The following MALRD1 variants were observed in gnomAD, a reference collection of about 807,000 sequenced individuals.
MALRD1 encodes MAM and LDL-receptor class A domain-containing protein 1.
In MALRD1, 247 loss-of-function variants were observed where a neutral mutation model predicts 242.1. That is an observed-to-expected ratio of 1.02 (90% CI 0.92 to 1.13). The LOEUF is 1.13. MALRD1 is among the 50% of genes most tolerant of loss of function. The pLI is 0.00. For synonymous variants in MALRD1, 995 were observed against 866.6 expected (o/e 1.15, Z -2.60); for missense variants, 2,989 against 2,533.1 (o/e 1.18, Z -3.86).
chr10:19,151,811 T>C (rs1833956112), intron 11 of MALRD1, among the ~76,000 whole-genome samples: 1 of 152,176 alleles, frequency 6.6e-6, no homozygotes, highest in African/African-American at 2.4e-5. Flanking sequence ...GTCTATAAGG[T>C]AAATTGATTT....
At chr10:19,213,439 G>A (rs1418864567) in intron 18 of MALRD1, among the ~76,000 whole-genome samples, 3 of 152,096 alleles carry the variant, frequency 2.0e-5, no homozygotes, top group Admixed American at 6.6e-5. Context: ...TCACCATATT[G>A]GTCAGGCTGG....
At chr10:19,541,154 G>T (rs1807953734) in intron 32 of MALRD1, among the ~76,000 whole-genome samples, 2 of 152,126 alleles carry the variant, frequency 1.3e-5, no homozygotes, top group African/African-American at 4.8e-5. Flanking sequence ...CATTTTCAAA[G>T]TATATTTTAA....
chr10:19,313,323 G>C (rs1842510154), intron 21 of MALRD1, among the ~76,000 whole-genome samples: 2 of 150,860 alleles, frequency 1.3e-5, no homozygotes, highest in South Asian at 4.2e-4. Context: ...AATGAATATT[G>C]AAAATATTAA....
At chr10:19,094,520 C>A (rs964953232) in intron 4 of MALRD1, among the ~76,000 whole-genome samples, 30 of 150,834 alleles carry the variant, frequency 2.0e-4, no homozygotes, top group Non-Finnish European at 3.1e-4. Context: ...GAACCCGGTA[C>A]CTCAGATGGA....
At chr10:19,561,831 T>A (rs762814300) in intron 32 of MALRD1, among the ~76,000 whole-genome samples, 23 of 152,256 alleles carry the variant, frequency 1.5e-4, no homozygotes, top group Middle Eastern at 3.4e-3. Context: ...ATATTTTCCC[T>A]CCTATACTTT....
intron 5 of MALRD1, among the ~76,000 whole-genome samples, chr10:19,113,078 AT>A (rs112900717): frequency 0.029 from 4,430 of 151,430 alleles, 232 homozygotes; most frequent in African/African-American, 0.1. Context: ...TCCAGCCCAC[AT>A]TTTTTTTCCC....
rs1029274886 is a variant in MALRD1, at chr10:19,640,108, A to G, written c.6137+24185A>G. 3.3e-5 allele frequency among the ~76,000 whole-genome samples: 5 copies of G among 151,964 alleles called. 1 individual carries two copies. Among genetic ancestry groups the G allele is most frequent in the Admixed American group, 3.3e-4 (5 of 15,250 alleles). On this transcript the variant is annotated intron_variant, in intron 36 of 39. Transcript: ENST00000454679. ...CTTTTTTAATTTTATTTTTTTCTTGAGAAAGAGTTTCGCTCTTGTCACCCA... is the reference window on the plus strand; with the variant it reads ...CTTTTTTAATTTTATTTTTTTCTTGGGAAAGAGTTTCGCTCTTGTCACCCA...
At chr10:19,696,897 C>G (rs1165628757) in intron 38 of MALRD1, among the ~76,000 whole-genome samples, 1 of 152,014 alleles carries the variant, frequency 6.6e-6, no homozygotes, top group Non-Finnish European at 1.5e-5. Context: ...ACCTGGGTGA[C>G]AAAGTGAGAC....
chr10:19,591,784 C>A (rs546743773), intron 33 of MALRD1, among the ~76,000 whole-genome samples: 1 of 152,196 alleles, frequency 6.6e-6, no homozygotes, highest in African/African-American at 2.4e-5. Context: ...AGGCATGAGC[C>A]GCTATGCCCA....
At chr10:19,449,797 C>T (rs1835219732) in intron 28 of MALRD1, among the ~76,000 whole-genome samples, 1 of 152,030 alleles carries the variant, frequency 6.6e-6, no homozygotes, top group South Asian at 2.1e-4. Context: ...CAGGAGTTTG[C>T]CTGTATAGCA....
chr10:19,222,774 A>G (rs1358675565), intron 18 of MALRD1, among the ~76,000 whole-genome samples: 1 of 152,168 alleles, frequency 6.6e-6, no homozygotes, highest in East Asian at 1.9e-4. Context: ...AAGTACCATA[A>G]CATATTGAAC....
intron 26 of MALRD1, among the ~76,000 whole-genome samples, chr10:19,383,612 T>G (rs1845930647): frequency 1.3e-5 from 2 of 152,130 alleles, no homozygotes. Flanking sequence ...CTTATATGGT[T>G]CATGCTGCTT....
rs1311073147 is a variant in MALRD1, at chr10:19,054,511, CT to C, written c.199+5375del. On this transcript the variant is annotated intron_variant, in intron 1 of 39. Transcript: ENST00000454679. ...GTTGTGCAATAGATCTCAGAATTTA[CT>C]CTGCTTATCTATCCGAAACTTTGTG... 2.0e-5 allele frequency among the ~76,000 whole-genome samples: 3 copies of C among 152,250 alleles called. No individual in the cohort carries two copies. The East Asian group carries it at 5.8e-4, about 29-fold the overall frequency.
chr10:19,316,494 C>T (rs1304493178), intron 21 of MALRD1, among the ~76,000 whole-genome samples: 2 of 151,814 alleles, frequency 1.3e-5, no homozygotes, highest in African/African-American at 2.4e-5. Context: ...CATTAATTTA[C>T]ATTCTAAAAT....
chr10:19,687,934 TTATGTTA>T (rs1842650208), intron 36 of MALRD1, among the ~76,000 whole-genome samples: 2 of 143,648 alleles, frequency 1.4e-5, no homozygotes, highest in Non-Finnish European at 3.2e-5. Context: ...TTATGTTATG[TTATGTTA>T]TGTTATGTTA....
intron 31 of MALRD1, among the ~76,000 whole-genome samples, chr10:19,513,239 G>C (rs1833481211): frequency 6.6e-6 from 1 of 152,132 alleles, no homozygotes; most frequent in South Asian, 2.1e-4. Flanking sequence ...GTCCACATGA[G>C]AACTCATTGT....
chr10:19,726,735 C>G (rs1835044364), intron 38 of MALRD1, among the ~76,000 whole-genome samples: 4 of 152,136 alleles, frequency 2.6e-5, no homozygotes, highest in South Asian at 4.1e-4. Context: ...CAAAATGTGA[C>G]ATATACATGC....
At chr10:19,607,659 A>G in intron 34 of MALRD1, 118 bp from the exon 35 acceptor site, 1 of 1,283,036 alleles carries the variant, frequency 7.8e-7, no homozygotes, top group East Asian at 2.6e-5. Flanking sequence ...AAAATATCAG[A>G]CTAGAAAAAA....
chr10:19,297,115 G>A (rs1442322254), intron 21 of MALRD1, among the ~76,000 whole-genome samples: 1 of 150,248 alleles, frequency 6.7e-6, no homozygotes, highest in Non-Finnish European at 1.5e-5. Flanking sequence ...ATATTTGTGT[G>A]AGTGTATCTT....
Sources: gnomAD v4.1 joint callset for allele counts (sites outside exome capture counted in the v4.1 genomes callset) on GRCh38, gnomAD v4.1.1 for gene constraint, MANE v1.5 for transcripts, NCBI Gene and HGNC (gene_info 2026-07-23, HGNC 2026-07-21) for gene names.